The following SYNRG variants were observed in gnomAD, a reference collection of about 807,000 sequenced individuals.
SYNRG encodes synergin gamma, also known as AP1 gamma subunit binding protein 1.
A neutral mutation model predicts 130.9 loss-of-function variants in SYNRG; 37 were observed. That is an observed-to-expected ratio of 0.28 (90% CI 0.22 to 0.37). The LOEUF is 0.37. Among genes scored for constraint, SYNRG ranks in the 10% least tolerant of loss-of-function variants. The pLI, the probability that SYNRG is intolerant of heterozygous loss-of-function variation, is 1.00. For synonymous variants in SYNRG, 539 were observed against 568.1 expected (o/e 0.95, Z 0.73); for missense variants, 1,338 against 1,588.9 (o/e 0.84, Z 2.68).
intron 14 of SYNRG, among the ~76,000 whole-genome samples, chr17:37,546,475 G>A (rs777471835): frequency 2.6e-5 from 4 of 152,124 alleles, no homozygotes; most frequent in East Asian, 1.9e-4. Flanking sequence ...AAATGTATAC[G>A]ATCTGTTTTC....
rs752440841 is a variant in SYNRG, at chr17:37,542,510, C to G, written c.2664G>C (p.Val888=). 57 of 1,613,144 alleles carry G rather than the reference C, an allele frequency of 3.5e-5. No individual in the cohort carries two copies. The highest frequency in any genetic ancestry group is 4.4e-5 in the Non-Finnish European group (52 of 1,180,038). The change falls in exon 15 of 22, where the codon GTG becomes GTC. Residue 888 remains valine (V), a synonymous_variant. Coordinates refer to ENST00000612223, the MANE Select transcript of SYNRG (RefSeq NM_007247.6). Reference sequence around the variant, plus strand: ...ACCAGTCATAGCTTGTAAGTGTGCTCACTGCAAAATTGCTACTGTAGCTTC... The same window carrying G: ...ACCAGTCATAGCTTGTAAGTGTGCTGACTGCAAAATTGCTACTGTAGCTTC... ...AFGSYSSNFA[V]STLTSYDWSD... is the part of the protein sequence containing the mutation.
intron 7 of SYNRG, 79 bp from the exon 8 acceptor site, chr17:37,576,497 A>G: frequency 3.1e-6 from 4 of 1,307,890 alleles, no homozygotes; most frequent in Non-Finnish European, 4.3e-6. Context: ...GGTTTTTTAC[A>G]AAGAGCACTG....
rs369006069 is a variant in SYNRG, at chr17:37,586,430, G to A, written c.360C>T (p.Ala120=). Residue 120 remains alanine (A), a synonymous_variant, in exon 4 of 22, where the codon GCC becomes GCT. Transcript: ENST00000612223. Reference sequence around the variant, plus strand: ...TGGTGATCTCTTACTGCTGCTCTTCGGCAAACTGCTTCTGCATGTCTGGAG... The same window carrying A: ...TGGTGATCTCTTACTGCTGCTCTTCAGCAAACTGCTTCTGCATGTCTGGAG... ...QYTPDMQKQF[A]EEQQKRFEQQ... is the part of the protein sequence containing the mutation. 5.8e-5 allele frequency: 94 copies of A among 1,613,720 alleles called. 1 individual carries two copies. The highest frequency in any genetic ancestry group is 3.3e-4 in the Middle Eastern group (2 of 6,084).
intron 8 of SYNRG, among the ~76,000 whole-genome samples, chr17:37,574,969 A>T (rs975266329): frequency 1.4e-4 from 21 of 151,962 alleles, no homozygotes; most frequent in Non-Finnish European, 2.9e-4. Flanking sequence ...ATTCAGCCAT[A>T]AAAAAAATTG....
intron 1 of SYNRG, among the ~76,000 whole-genome samples, chr17:37,605,143 C>CCTTCAATTTAT (rs1036081566): frequency 6.6e-6 from 1 of 152,148 alleles, no homozygotes; most frequent in Non-Finnish European, 1.5e-5. Flanking sequence ...TTGCCACAAA[C>CCTTCAATTTAT]CTTCAATTTA....
intron 19 of SYNRG, among the ~76,000 whole-genome samples, chr17:37,532,331 A>G (rs2056713635): frequency 6.6e-6 from 1 of 152,176 alleles, no homozygotes; most frequent in Non-Finnish European, 1.5e-5. Context: ...TACCACATCA[A>G]CACTATTAGT....
chr17:37,576,429 A>C lies in SYNRG; in HGVS notation c.824-11T>G. 6.2e-7 allele frequency: 1 copy of C among 1,612,934 alleles called. No individual in the cohort carries two copies. The highest frequency in any genetic ancestry group is 8.5e-7 in the Non-Finnish European group (1 of 1,179,164). On this transcript the variant is annotated splice_polypyrimidine_tract_variant and intron_variant, in intron 7 of 21. Transcript: ENST00000612223. ...GAAATACTCCCACACCTAGAAGGTA[A>C]GAAACATTAATGTATATAGTGGTCC...
At chr17:37,574,939 C>T (rs564355879) in intron 8 of SYNRG, among the ~76,000 whole-genome samples, 2 of 152,084 alleles carry the variant, frequency 1.3e-5, no homozygotes, top group South Asian at 4.1e-4. Flanking sequence ...AAATGTGGTA[C>T]ATATACACAA....
rs1387598426 is a variant in SYNRG, at chr17:37,533,536, AT to A, written c.3666+2442del. Among the ~76,000 whole-genome samples the A allele has an allele frequency of 4.0e-5, 6 of 149,996 alleles. No individual in the cohort carries two copies. In the East Asian group the frequency reaches 9.8e-4, roughly 24 times the overall value. ...TGATAAGGGCTTGAATTAGTTAATA[AT>A]TTTTTTAAAAAAGATTTCTAATTTC... On this transcript the variant is annotated intron_variant, in intron 19 of 21. Coordinates refer to ENST00000612223, the MANE Select transcript of SYNRG (RefSeq NM_007247.6).
intron 1 of SYNRG, among the ~76,000 whole-genome samples, chr17:37,601,579 A>G (rs1463571115): frequency 6.6e-6 from 1 of 152,176 alleles, no homozygotes; most frequent in Non-Finnish European, 1.5e-5. Context: ...TCCCAAACAG[A>G]AACTCTGTAC....
intron 17 of SYNRG, chr17:37,538,985 G>T: frequency 1.1e-6 from 1 of 909,138 alleles, no homozygotes; most frequent in Non-Finnish European, 1.3e-6. Flanking sequence ...CAGATGAGGG[G>T]ATGACTGACA....
At chr17:37,565,229 A>C (rs190520394) in intron 11 of SYNRG, among the ~76,000 whole-genome samples, 42 of 152,222 alleles carry the variant, frequency 2.8e-4, no homozygotes, top group African/African-American at 6.7e-4. Context: ...GCGCAACTGC[A>C]CTTTAGCCTG....
chr17:37,560,959 C>A (rs984225244), intron 13 of SYNRG, among the ~76,000 whole-genome samples: 1 of 152,188 alleles, frequency 6.6e-6, no homozygotes, highest in African/African-American at 2.4e-5. Flanking sequence ...GCCACTGCAC[C>A]CAGCCTAAAC....
intron 11 of SYNRG, chr17:37,567,321 G>A (rs1032523912): frequency 6.6e-6 from 1 of 152,214 alleles, no homozygotes; most frequent in Non-Finnish European, 1.5e-5. Context: ...TTTGGTGACT[G>A]AATATGGTGA....
intron 10 of SYNRG, among the ~76,000 whole-genome samples, chr17:37,569,532 G>A (rs974319988): frequency 1.3e-5 from 2 of 151,356 alleles, no homozygotes; most frequent in African/African-American, 4.9e-5. Flanking sequence ...GCGGGCACCT[G>A]TAATCCCAGC....
intron 11 of SYNRG, among the ~76,000 whole-genome samples, chr17:37,563,815 C>A (rs1422646209): frequency 6.6e-6 from 1 of 151,102 alleles, no homozygotes; most frequent in Non-Finnish European, 1.5e-5. Flanking sequence ...GGTTTACAGG[C>A]AAGACCCACT....
intron 14 of SYNRG, among the ~76,000 whole-genome samples, chr17:37,548,825 TAAAAAAAAAA>T (rs549765253): frequency 5.0e-5 from 5 of 100,980 alleles, no homozygotes; most frequent in African/African-American, 1.5e-4. Flanking sequence ...AACTCTGTCT[TAAAAAAAAAA>T]AAAAAAAACA....
At chr17:37,534,830 AGTTCAG>A (rs2057034243) in intron 19 of SYNRG, among the ~76,000 whole-genome samples, 1 of 152,188 alleles carries the variant, frequency 6.6e-6, no homozygotes, top group South Asian at 2.1e-4. Flanking sequence ...CCTGGCTATC[AGTTCAG>A]AAAATTAGAA....
intron 3 of SYNRG, among the ~76,000 whole-genome samples, chr17:37,588,372 C>T (rs2061868328): frequency 6.6e-6 from 1 of 151,400 alleles, no homozygotes; most frequent in South Asian, 2.1e-4. Flanking sequence ...AAGTGATTCT[C>T]CCACCTCAGC....
Sources: gnomAD v4.1 joint callset for allele counts (sites outside exome capture counted in the v4.1 genomes callset) on GRCh38, gnomAD v4.1.1 for gene constraint, MANE v1.5 for transcripts, NCBI Gene and HGNC (gene_info 2026-07-23, HGNC 2026-07-21) for gene names.